The following FHOD3 variants were observed in gnomAD, a reference collection of about 807,000 sequenced individuals.
FHOD3 encodes FH1/FH2 domain-containing protein 3.
In FHOD3, 90 loss-of-function variants were observed where a neutral mutation model predicts 173.0. That is an observed-to-expected ratio of 0.52 (90% CI 0.44 to 0.62). The LOEUF (loss-of-function observed/expected upper bound fraction) is 0.62. Ranked by LOEUF, FHOD3 falls within the 20% of genes least tolerant of loss-of-function variation. The pLI is 0.00. For missense variants in FHOD3, 1,945 were observed against 2,034.7 expected, an observed-to-expected ratio of 0.96 and a Z score of 0.85; for synonymous variants, 828 against 823.0, an observed-to-expected ratio of 1.01 and a Z score of -0.10.
chr18:36,517,038 G>T (rs1274926440), intron 5 of FHOD3, among the ~76,000 whole-genome samples: 1 of 151,842 alleles, frequency 6.6e-6, no homozygotes, highest in East Asian at 1.9e-4. Context: ...TTGAGGATGT[G>T]TCTGCTGAGA....
At chr18:36,751,646 G>C (rs960623930) in intron 24 of FHOD3, among the ~76,000 whole-genome samples, 1 of 152,162 alleles carries the variant, frequency 6.6e-6, no homozygotes, top group Admixed American at 6.5e-5. Context: ...TTTGAGGTAT[G>C]TTCCTTCAAT....
intron 5 of FHOD3, among the ~76,000 whole-genome samples, chr18:36,542,752 T>C (rs1050177828): frequency 6.6e-6 from 1 of 152,184 alleles, no homozygotes; most frequent in African/African-American, 2.4e-5. Flanking sequence ...TTGCCAAAGA[T>C]GGTTTACAGT....
chr18:36,512,392 T>C (rs955651156), intron 4 of FHOD3, 46 bp from the exon 5 acceptor site: 3 of 1,408,282 alleles, frequency 2.1e-6, no homozygotes, highest in Admixed American at 3.4e-5. Flanking sequence ...GGATGGAAGG[T>C]GGACAGGGAC....
At chr18:36,759,551 T>C (rs892976439) in intron 26 of FHOD3, among the ~76,000 whole-genome samples, 2 of 152,270 alleles carry the variant, frequency 1.3e-5, no homozygotes, top group African/African-American at 2.4e-5. Context: ...AGGGCCAGGC[T>C]AGAGTCTCTG....
At chr18:36,776,028 G>A (rs1315061524) in intron 28 of FHOD3, among the ~76,000 whole-genome samples, 1 of 152,180 alleles carries the variant, frequency 6.6e-6, no homozygotes. Context: ...AGAGGCCCAG[G>A]TGTCATCCGC....
chr18:36,701,071 C>T (rs1290155453), intron 17 of FHOD3, among the ~76,000 whole-genome samples: 4 of 152,208 alleles, frequency 2.6e-5, no homozygotes, highest in African/African-American at 9.7e-5. Flanking sequence ...CTGTGCCCAC[C>T]TTTGTTATTC....
At chr18:36,707,563 T>A (rs1378366954) in intron 17 of FHOD3, among the ~76,000 whole-genome samples, 2 of 152,130 alleles carry the variant, frequency 1.3e-5, no homozygotes, top group Admixed American at 1.3e-4. Context: ...TGAGAGCAGA[T>A]GAAGGATTGG....
chr18:36,416,276 G>A (rs576929123), intron 3 of FHOD3, among the ~76,000 whole-genome samples: 2 of 152,162 alleles, frequency 1.3e-5, no homozygotes, highest in Admixed American at 6.5e-5. Flanking sequence ...CTCGTGATCC[G>A]CCTGCCTCGG....
At chr18:36,631,575 C>T (rs2034517188) in intron 10 of FHOD3, among the ~76,000 whole-genome samples, 1 of 152,174 alleles carries the variant, frequency 6.6e-6, no homozygotes, top group African/African-American at 2.4e-5. Flanking sequence ...GTATGCTAAG[C>T]ACTGCAAGTG....
chr18:36,633,317 G>T (rs773811420), intron 10 of FHOD3, among the ~76,000 whole-genome samples: 8 of 152,168 alleles, frequency 5.3e-5, no homozygotes, highest in Non-Finnish European at 1.0e-4. Flanking sequence ...CCTTTCACTG[G>T]CACCAGCTAT....
chr18:36,715,968 C>T (rs56373654), intron 18 of FHOD3, among the ~76,000 whole-genome samples: 18,954 of 152,116 alleles, frequency 0.12, 1,531 homozygotes, highest in Non-Finnish European at 0.18. Flanking sequence ...CTGTAGCTAA[C>T]GAGGTTTATG....
At chr18:36,518,985 C>G (rs2056134075) in intron 5 of FHOD3, among the ~76,000 whole-genome samples, 1 of 152,186 alleles carries the variant, frequency 6.6e-6, no homozygotes, top group Non-Finnish European at 1.5e-5. Context: ...GCCTGTAACT[C>G]CCTGGGAGGG....
rs888037938 is a variant in FHOD3, at chr18:36,563,494, C to T, written c.512-12957C>T. Among the ~76,000 whole-genome samples, 5 of 152,292 alleles carry T rather than the reference C, an allele frequency of 3.3e-5. No individual in the cohort carries two copies. The East Asian group carries it at 9.7e-4, about 29-fold the overall frequency. ...CCAGAGAGGTTAATTAGCATAACAG[C>T]ATCAAGAACAGCCAACCATCAGCCA... On this transcript the variant is annotated intron_variant, in intron 5 of 28. Transcript: ENST00000590592.
chr18:36,508,096 T>C (rs2055404529), intron 4 of FHOD3, among the ~76,000 whole-genome samples: 1 of 152,130 alleles, frequency 6.6e-6, no homozygotes, highest in African/African-American at 2.4e-5. Flanking sequence ...ATAATCATAT[T>C]GGTGGTGATA....
chr18:36,712,991 A>G (rs2040254153), intron 18 of FHOD3, among the ~76,000 whole-genome samples: 1 of 152,232 alleles, frequency 6.6e-6, no homozygotes, highest in African/African-American at 2.4e-5. Flanking sequence ...AAAGAAAAGA[A>G]CCGTCAACTA....
At chr18:36,492,623 T>C (rs573806709) in intron 3 of FHOD3, among the ~76,000 whole-genome samples, 1 of 152,318 alleles carries the variant, frequency 6.6e-6, no homozygotes, top group African/African-American at 2.4e-5. Context: ...CATAAGTATT[T>C]AAAATGTGAT....
intron 5 of FHOD3, among the ~76,000 whole-genome samples, chr18:36,535,777 A>AT (rs1224891944): frequency 1.3e-5 from 2 of 152,078 alleles, no homozygotes; most frequent in African/African-American, 2.4e-5. Context: ...AATTCAATAA[A>AT]TTTTTTTGCC....
intron 20 of FHOD3, among the ~76,000 whole-genome samples, chr18:36,740,024 T>G (rs978549353): frequency 6.6e-6 from 1 of 152,202 alleles, no homozygotes; most frequent in Non-Finnish European, 1.5e-5. Flanking sequence ...CTTTAAAAAA[T>G]GTAATCACAA....
chr18:36,625,727 C>A lies in FHOD3; in HGVS notation c.1174C>A (p.Gln392Lys). 1.9e-6 allele frequency: 3 copies of A among 1,609,446 alleles called. No individual in the cohort carries two copies. Among genetic ancestry groups the A allele is most frequent in the Non-Finnish European group, 2.5e-6 (3 of 1,177,198 alleles). ...SQSAPSFKPN[Q>K]VRDLREKEEE... ...GTCAGCTCCCAGCTTCAAGCCCAAC[C>A]AAGTGCGAGATCTGCGTGAAAAGTA... Residue 392 changes from glutamine to lysine, a missense_variant, in exon 10 of 29, where the codon CAA becomes AAA. Gln to Lys is a moderately conservative substitution (Grantham distance 53, BLOSUM62 1). Coordinates refer to ENST00000590592, the MANE Select transcript of FHOD3 (RefSeq NM_001281740.3).
Sources: gnomAD v4.1 joint callset for allele counts (sites outside exome capture counted in the v4.1 genomes callset) on GRCh38, gnomAD v4.1.1 for gene constraint, MANE v1.5 for transcripts, NCBI Gene and HGNC (gene_info 2026-07-23, HGNC 2026-07-21) for gene names.